Variants in PPM1L observed in about 807,000 individuals in gnomAD.
The protein encoded by PPM1L is protein phosphatase, Mg2+/Mn2+ dependent 1L.
In PPM1L, 13 loss-of-function variants were observed where a neutral mutation model predicts 31.4. The ratio of observed to expected loss-of-function variants is 0.41; its 90% CI spans 0.27 to 0.66. The LOEUF (loss-of-function observed/expected upper bound fraction) is 0.66, where lower values mean the gene tolerates loss of function less well. Ranked by LOEUF, PPM1L falls within the 30% of genes least tolerant of loss-of-function variation. PPM1L has a pLI of 0.29. For missense variants in PPM1L, 326 were observed against 453.7 expected (o/e 0.72, Z 2.56); for synonymous variants, 184 against 175.4 (o/e 1.05, Z -0.39).
At chr3:161,038,407 A>C (rs912872148) in intron 2 of PPM1L, among the ~76,000 whole-genome samples, 1 of 151,430 alleles carries the variant, frequency 6.6e-6, no homozygotes, top group Admixed American at 6.6e-5. Flanking sequence ...AAACTTCTGG[A>C]CTCAACCAAT....
At chr3:160,932,421 T>C (rs1297435608) in intron 1 of PPM1L, among the ~76,000 whole-genome samples, 3 of 152,180 alleles carry the variant, frequency 2.0e-5, no homozygotes, top group Admixed American at 2.0e-4. Flanking sequence ...ATAGTCTTAT[T>C]TGGGTAAGTT....
At chr3:160,796,544 G>A (rs73877955) in intron 1 of PPM1L, among the ~76,000 whole-genome samples, 3,964 of 152,270 alleles carry the variant, frequency 0.026, 175 homozygotes, top group African/African-American at 0.087. Context: ...ACTTCACTTT[G>A]CTCTTTGTGG....
intron 1 of PPM1L, among the ~76,000 whole-genome samples, chr3:160,789,957 G>A (rs1200408276): frequency 1.3e-5 from 2 of 151,924 alleles, no homozygotes; most frequent in Non-Finnish European, 2.9e-5. Context: ...ACATTCTCTT[G>A]TATACTTTAA....
At chr3:160,807,190 G>C (rs947051944) in intron 1 of PPM1L, among the ~76,000 whole-genome samples, 9 of 152,234 alleles carry the variant, frequency 5.9e-5, no homozygotes, top group African/African-American at 2.2e-4. Context: ...GATGATTTTA[G>C]GAAAATCACT....
At chr3:161,022,193 C>T in intron 2 of PPM1L, 1 of 669,204 alleles carries the variant, frequency 1.5e-6, no homozygotes, top group Non-Finnish European at 2.7e-6. Context: ...GCAAGTAACA[C>T]CTTAGCTTCA....
Position 160,977,098 on chromosome 3 carries a change from A to G in PPM1L, c.574+15188A>G, listed in dbSNP as rs560611581. 3.3e-5 allele frequency among the ~76,000 whole-genome samples: 5 copies of G among 152,260 alleles called. No homozygotes were observed. In the South Asian group the frequency reaches 1.0e-3, roughly 32 times the overall value. On this transcript the variant is annotated intron_variant, in intron 2 of 3. Coordinates refer to ENST00000498165, the MANE Select transcript of PPM1L (RefSeq NM_139245.4). ...GTCTTTGTTCTCGTTGGTTTCAAAG[A>G]ACATCTTTATTTCTGTGAAAGACAC...
Position 161,024,463 on chromosome 3 carries a change from C to T in PPM1L, c.575-40940C>T, listed in dbSNP as rs541739501. On this transcript the variant is annotated intron_variant, in intron 2 of 3. Transcript: ENST00000498165. ...CCTGTAATCCCAGCACTTTGGGAGG[C>T]GGAGGCGGGCAGATCACCTGAGGTC... 1.6e-4 allele frequency among the ~76,000 whole-genome samples: 24 copies of T among 152,086 alleles called. No homozygotes were observed. The South Asian group carries it at 1.9e-3, about 12-fold the overall frequency.
chr3:160,942,035 T>C (rs1208547247), intron 1 of PPM1L, among the ~76,000 whole-genome samples: 1 of 152,314 alleles, frequency 6.6e-6, no homozygotes, highest in African/African-American at 2.4e-5. Context: ...ACTTTATTCA[T>C]TTTCCCTTTC....
intron 1 of PPM1L, among the ~76,000 whole-genome samples, chr3:160,796,486 C>G (rs1017175586): frequency 3.3e-5 from 5 of 152,168 alleles, no homozygotes; most frequent in African/African-American, 1.2e-4. Context: ...ATAAGAATCC[C>G]TGAGAAGAAT....
chr3:160,760,580 A>G (rs1241022772), intron 1 of PPM1L, among the ~76,000 whole-genome samples: 1 of 152,178 alleles, frequency 6.6e-6, no homozygotes, highest in Non-Finnish European at 1.5e-5. Context: ...AGATTAAAAC[A>G]ACAAAAAGGT....
chr3:160,913,404 A>C (rs1018537730), intron 1 of PPM1L, among the ~76,000 whole-genome samples: 1 of 152,136 alleles, frequency 6.6e-6, no homozygotes, highest in African/African-American at 2.4e-5. Flanking sequence ...AAATCACTTT[A>C]TTGAGGCATA....
intron 1 of PPM1L, among the ~76,000 whole-genome samples, chr3:160,928,871 T>C (rs1714690957): frequency 6.6e-6 from 1 of 152,066 alleles, no homozygotes; most frequent in Non-Finnish European, 1.5e-5. Context: ...TATGAGATAA[T>C]AAATTTGATT....
chr3:160,945,319 T>G (rs1162431683), intron 1 of PPM1L, among the ~76,000 whole-genome samples: 2 of 151,850 alleles, frequency 1.3e-5, no homozygotes, highest in Non-Finnish European at 2.9e-5. Context: ...AGGCAATATA[T>G]AAACAAATGG....
intron 1 of PPM1L, among the ~76,000 whole-genome samples, chr3:160,885,743 C>T (rs1407151061): frequency 1.3e-5 from 2 of 152,242 alleles, no homozygotes; most frequent in African/African-American, 2.4e-5. Flanking sequence ...CACTCACCTA[C>T]CCACGCCACG....
chr3:160,827,707 G>A (rs1326943074), intron 1 of PPM1L, among the ~76,000 whole-genome samples: 1 of 150,598 alleles, frequency 6.6e-6, no homozygotes, highest in Admixed American at 6.6e-5. Flanking sequence ...ATTGACTAAT[G>A]ACTGAAACAG....
At chr3:161,041,189 CAACT>C (rs758666764) in intron 2 of PPM1L, among the ~76,000 whole-genome samples, 5 of 152,190 alleles carry the variant, frequency 3.3e-5, no homozygotes, top group African/African-American at 9.6e-5. Flanking sequence ...CAAACTCAAC[CAACT>C]GTCAACCAGA....
chr3:160,804,081 C>T (rs957984934), intron 1 of PPM1L, among the ~76,000 whole-genome samples: 1 of 151,366 alleles, frequency 6.6e-6, no homozygotes, highest in African/African-American at 2.4e-5. Context: ...CCACGCCCAG[C>T]TAATTTTTTT....
intron 1 of PPM1L, among the ~76,000 whole-genome samples, chr3:160,952,707 A>T (rs897691596): frequency 1.3e-5 from 2 of 152,212 alleles, no homozygotes; most frequent in Non-Finnish European, 2.9e-5. Flanking sequence ...TACTGTTGAC[A>T]TGAGTGCAAA....
chr3:160,785,737 T>TCCC (rs1711891774), intron 1 of PPM1L, among the ~76,000 whole-genome samples: 6 of 152,184 alleles, frequency 3.9e-5, no homozygotes, highest in Non-Finnish European at 5.9e-5. Flanking sequence ...AGTGAACCAT[T>TCCC]CATTATGTAA....
Sources: gnomAD v4.1 joint callset for allele counts (sites outside exome capture counted in the v4.1 genomes callset) on GRCh38, gnomAD v4.1.1 for gene constraint, MANE v1.5 for transcripts, NCBI Gene and HGNC (gene_info 2026-07-23, HGNC 2026-07-21) for gene names.